PRKN: variants seen among roughly 807,000 people sequenced by gnomAD.
PRKN encodes the protein parkin RBR E3 ubiquitin protein ligase.
PRKN carries 56 observed loss-of-function variants against 59.5 expected under a neutral mutation model. The ratio of observed to expected loss-of-function variants is 0.94; its 90% CI spans 0.76 to 1.18. The LOEUF is 1.18. Among genes scored for constraint, PRKN ranks in the 50% most tolerant of loss-of-function variants. The pLI is 0.00. For missense variants in PRKN, 657 were observed against 596.4 expected (o/e 1.10, Z -1.06); for synonymous variants, 250 against 222.1 (o/e 1.13, Z -1.12).
chr6:161,724,948 A>G (rs1787377964), intron 7 of PRKN, among the ~76,000 whole-genome samples: 1 of 152,200 alleles, frequency 6.6e-6, no homozygotes, highest in Non-Finnish European at 1.5e-5. Flanking sequence ...GTGAGTTCTC[A>G]TAAGATCTGG....
intron 9 of PRKN, among the ~76,000 whole-genome samples, chr6:161,472,888 G>A (rs149260634): frequency 7.9e-5 from 12 of 152,226 alleles, no homozygotes; most frequent in Non-Finnish European, 1.5e-4. Flanking sequence ...ATGGCCAACA[G>A]GCATACGAAA....
At chr6:162,666,170 G>A (rs1267641355) in intron 1 of PRKN, among the ~76,000 whole-genome samples, 1 of 152,104 alleles carries the variant, frequency 6.6e-6, no homozygotes, top group Non-Finnish European at 1.5e-5. Flanking sequence ...CCAGTTTTAA[G>A]ATGTCTATAA....
chr6:161,717,795 C>T (rs989047835), intron 7 of PRKN, among the ~76,000 whole-genome samples: 1 of 152,138 alleles, frequency 6.6e-6, no homozygotes, highest in Non-Finnish European at 1.5e-5. Context: ...GTCACGCCCG[C>T]GAGGGGTGGG....
chr6:162,581,127 C>T (rs376608375), intron 1 of PRKN, among the ~76,000 whole-genome samples: 10 of 152,044 alleles, frequency 6.6e-5, no homozygotes, highest in East Asian at 5.8e-4. Context: ...AAAGATTAAA[C>T]GTATTAAAAG....
intron 9 of PRKN, among the ~76,000 whole-genome samples, chr6:161,519,363 A>T (rs919765885): frequency 5.9e-5 from 9 of 152,188 alleles, no homozygotes; most frequent in African/African-American, 1.9e-4. Flanking sequence ...CTCCATTAAA[A>T]TGCAGACGCC....
intron 6 of PRKN, among the ~76,000 whole-genome samples, chr6:161,915,387 C>G (rs1778516976): frequency 6.6e-6 from 1 of 152,018 alleles, no homozygotes; most frequent in Non-Finnish European, 1.5e-5. Context: ...ATTCTATGTA[C>G]AAAGAGAATC....
intron 1 of PRKN, among the ~76,000 whole-genome samples, chr6:162,470,484 G>A (rs369324882): frequency 1.3e-4 from 20 of 152,072 alleles, no homozygotes; most frequent in Admixed American, 4.6e-4. Flanking sequence ...GGCGCTACTT[G>A]GGAAGCTGAG....
At chr6:162,268,853 C>T (rs373228934) in intron 2 of PRKN, among the ~76,000 whole-genome samples, 3 of 152,104 alleles carry the variant, frequency 2.0e-5, no homozygotes, top group African/African-American at 7.2e-5. Context: ...GATGCTGCAA[C>T]GGAACCACCC....
chr6:162,031,754 T>C (rs959010270), intron 5 of PRKN, among the ~76,000 whole-genome samples: 1 of 152,092 alleles, frequency 6.6e-6, no homozygotes, highest in Admixed American at 6.5e-5. Flanking sequence ...GGTCTCGAAC[T>C]CCTGACCTCA....
rs2128136361 is a variant in PRKN at position 161,575,303 on chromosome 6, T to G, written c.872-5887A>C. Among the ~76,000 whole-genome samples the G allele has an allele frequency of 6.6e-6, 1 of 152,332 alleles. No homozygotes were observed. Among genetic ancestry groups the G allele is most frequent in the South Asian group, 2.1e-4 (1 of 4,824 alleles). ...TTCTGTTGCTATACCATAAAGGTCA[T>G]TTTATCATCTAACGGGGAAGCTCCT... On this transcript the variant is annotated intron_variant, in intron 7 of 11. Coordinates refer to ENST00000366898, the MANE Select transcript of PRKN (RefSeq NM_004562.3). This position sits in a 1 kb window ranked among gnomAD's most constrained non-coding sequence, Gnocchi z 4.6.
At chr6:161,415,932 GC>G (rs1244689387) in intron 9 of PRKN, among the ~76,000 whole-genome samples, 1 of 152,012 alleles carries the variant, frequency 6.6e-6, no homozygotes, top group Non-Finnish European at 1.5e-5. Context: ...GACTGGGAAT[GC>G]CCTGGGATCC....
At chr6:161,728,348 C>T (rs1787536101) in intron 7 of PRKN, among the ~76,000 whole-genome samples, 1 of 151,882 alleles carries the variant, frequency 6.6e-6, no homozygotes, top group South Asian at 2.1e-4. Context: ...CAAATCTTGC[C>T]TCTCTATTTT....
intron 5 of PRKN, among the ~76,000 whole-genome samples, chr6:162,001,290 C>T (rs963765027): frequency 1.3e-5 from 2 of 151,554 alleles, no homozygotes; most frequent in African/African-American, 2.4e-5. Context: ...GGCTATTTCT[C>T]CATTTATTTA....
intron 6 of PRKN, among the ~76,000 whole-genome samples, chr6:161,874,143 A>AATATAAT (rs1794496998): frequency 1.3e-4 from 6 of 47,392 alleles, no homozygotes; most frequent in Admixed American, 8.0e-4. Flanking sequence ...TTATATGTAA[A>AATATAAT]ATATAATATA....
chr6:162,396,618 T>C (rs1787488179), intron 2 of PRKN, among the ~76,000 whole-genome samples: 1 of 152,176 alleles, frequency 6.6e-6, no homozygotes, highest in African/African-American at 2.4e-5. Context: ...ACCCGTCGCT[T>C]GTGTTAGAAA....
At chr6:161,723,913 G>C (rs545119501) in intron 7 of PRKN, among the ~76,000 whole-genome samples, 5 of 152,124 alleles carry the variant, frequency 3.3e-5, no homozygotes, top group Admixed American at 6.5e-5. Flanking sequence ...TAGGGGGCTC[G>C]GTCTTCAAGA....
chr6:162,642,932 G>A (rs983560423), intron 1 of PRKN, among the ~76,000 whole-genome samples: 2 of 152,004 alleles, frequency 1.3e-5, no homozygotes, highest in Non-Finnish European at 2.9e-5. Flanking sequence ...GTAAGACATA[G>A]TATGATTGAA....
chr6:162,675,571 TATG>T (rs771200513), intron 1 of PRKN, among the ~76,000 whole-genome samples: 25 of 152,130 alleles, frequency 1.6e-4, no homozygotes, highest in Non-Finnish European at 3.1e-4. Flanking sequence ...CACTAAAAAG[TATG>T]ATATCTAAAA....
chr6:162,003,125 T>G (rs1782120819), intron 5 of PRKN, among the ~76,000 whole-genome samples: 1 of 151,142 alleles, frequency 6.6e-6, no homozygotes, highest in Non-Finnish European at 1.5e-5. Context: ...AGAGGTCAAT[T>G]ATATCCAGTT....
Sources: gnomAD v4.1 joint callset for allele counts (sites outside exome capture counted in the v4.1 genomes callset) on GRCh38, gnomAD v4.1.1 for gene constraint, Gnocchi (gnomAD v3.1) non-coding constraint, MANE v1.5 for transcripts, NCBI Gene and HGNC (gene_info 2026-07-23, HGNC 2026-07-21) for gene names.